The following PDS5B variants were observed in gnomAD, a reference collection of about 807,000 sequenced individuals.
PDS5B encodes PDS5 cohesin associated factor B.
Under a neutral mutation model 184.1 loss-of-function variants are expected in PDS5B, and 51 were observed. That is an observed-to-expected ratio of 0.28 (90% CI 0.22 to 0.35). The LOEUF (loss-of-function observed/expected upper bound fraction) is 0.35, where lower values mean the gene tolerates loss of function less well. PDS5B is among the 10% of genes least tolerant of loss of function. PDS5B has a pLI of 1.00. For missense variants in PDS5B, 1,180 were observed against 1,723.3 expected, an observed-to-expected ratio of 0.68 and a Z score of 5.58; for synonymous variants, 566 against 569.2, an observed-to-expected ratio of 0.99 and a Z score of 0.08.
Position 32,645,992 on chromosome 13 carries a change from G to GGGTGTGTGGTGTGT in PDS5B, c.-19-2746_-19-2733dup, listed in dbSNP as rs138850221. Among the ~76,000 whole-genome samples the GGGTGTGTGGTGTGT allele has an allele frequency of 5.6e-3, 839 of 150,290 alleles. 5 individuals carry two copies. Among genetic ancestry groups the GGGTGTGTGGTGTGT allele is most frequent in the East Asian group, 0.029 (151 of 5,134 alleles). On this transcript the variant is annotated intron_variant, in intron 1 of 34. Transcript: ENST00000315596. ...CTTTGATGTGTGTGTGTGGGTGTGT[G>GGGTGTGTGGTGTGT]GGTGTGTGGTGTGTGGTGTGTGGTG...
intron 28 of PDS5B, among the ~76,000 whole-genome samples, 154 bp downstream of exon 28, chr13:32,758,807 A>C (rs1018980063): frequency 3.3e-5 from 5 of 152,200 alleles, no homozygotes; most frequent in Non-Finnish European, 7.4e-5. Context: ...ACTGGAGGAC[A>C]CACATAAGGT....
rs773802552 is a variant in PDS5B, at chr13:32,648,744, C to G, written c.-19-10C>G. On this transcript the variant is annotated splice_polypyrimidine_tract_variant and intron_variant, in intron 1 of 34. Coordinates refer to ENST00000315596, the MANE Select transcript of PDS5B (RefSeq NM_015032.4). The stretch of plus-strand genomic sequence containing the variant: ...TTTTTGGTTTGCATCTAATAGTTTT[C>G]TTGTTTCAGGGGTAGAAATATTTCT... 2 of 1,016,092 alleles carry G rather than the reference C, an allele frequency of 2.0e-6. No individual in the cohort carries two copies. The highest frequency in any genetic ancestry group is 3.1e-6 in the Non-Finnish European group (2 of 642,080). 62.9% of individuals were successfully genotyped at this position (1,016,092 alleles called of 1,614,324 possible).
chr13:32,625,912 C>A (rs2058364576), intron 1 of PDS5B, among the ~76,000 whole-genome samples: 2 of 150,540 alleles, frequency 1.3e-5, no homozygotes, highest in South Asian at 4.2e-4. Flanking sequence ...GATCTTGGCT[C>A]ACTGTAGCCT....
chr13:32,750,847 CTGTGTGTGTGTGTGTGTGTGTGTGTG>C (rs71194534), intron 24 of PDS5B, among the ~76,000 whole-genome samples: 11 of 143,426 alleles, frequency 7.7e-5, no homozygotes, highest in South Asian at 2.3e-4. Context: ...CGGCCTCCCT[CTGTGTGTGTGTGTGTGTGTGTGTGTG>C]TGTGTGTGTG....
At chr13:32,641,014 G>A (rs1336047441) in intron 1 of PDS5B, among the ~76,000 whole-genome samples, 5 of 145,334 alleles carry the variant, frequency 3.4e-5, no homozygotes, top group South Asian at 2.1e-4. Context: ...CCGAGATCAC[G>A]CCACTGTACT....
chr13:32,714,497 A>G (rs900392469), intron 19 of PDS5B, among the ~76,000 whole-genome samples: 3 of 152,176 alleles, frequency 2.0e-5, no homozygotes, highest in Admixed American at 6.5e-5. Flanking sequence ...TAGGAGCGCT[A>G]TGGGAGACTG....
chr13:32,616,114 C>T (rs947282602), intron 1 of PDS5B, among the ~76,000 whole-genome samples: 9 of 151,478 alleles, frequency 5.9e-5, no homozygotes, highest in African/African-American at 1.2e-4. Flanking sequence ...AGTGCAATGG[C>T]GCGATCTTGG....
intron 1 of PDS5B, among the ~76,000 whole-genome samples, chr13:32,607,259 T>C (rs1369859676): frequency 2.0e-5 from 3 of 152,222 alleles, no homozygotes; most frequent in Non-Finnish European, 4.4e-5. Context: ...TCCTTTCTGT[T>C]TGTTAGTTTT....
chr13:32,602,200 G>A (rs532465849), intron 1 of PDS5B, among the ~76,000 whole-genome samples: 3 of 151,538 alleles, frequency 2.0e-5, no homozygotes, highest in African/African-American at 4.8e-5. Context: ...CTGTTAACTC[G>A]TCATTTACAT....
At chr13:32,678,112 G>T (rs1951121991) in intron 9 of PDS5B, among the ~76,000 whole-genome samples, 1 of 152,066 alleles carries the variant, frequency 6.6e-6, no homozygotes, top group African/African-American at 2.4e-5. Flanking sequence ...ACATCAGAAT[G>T]ATACAATTAG....
chr13:32,652,757 T>TAA (rs202075341), intron 3 of PDS5B, among the ~76,000 whole-genome samples: 2 of 141,158 alleles, frequency 1.4e-5, no homozygotes, highest in South Asian at 2.3e-4. Context: ...CCATCTCTAT[T>TAA]AAAAAAAAAA....
intron 7 of PDS5B, among the ~76,000 whole-genome samples, chr13:32,669,355 AAAG>A (rs1190367444): frequency 6.6e-6 from 1 of 151,978 alleles, no homozygotes; most frequent in Non-Finnish European, 1.5e-5. Context: ...AAAAATAAGA[AAAG>A]AACGCTATAC....
At chr13:32,593,700 G>C (rs541270845) in intron 1 of PDS5B, among the ~76,000 whole-genome samples, 93 of 152,110 alleles carry the variant, frequency 6.1e-4, no homozygotes, top group Non-Finnish European at 1.2e-3. Flanking sequence ...AAAATTATAA[G>C]GAAGGAAAAT....
At chr13:32,628,721 G>C (rs2058409050) in intron 1 of PDS5B, among the ~76,000 whole-genome samples, 1 of 151,980 alleles carries the variant, frequency 6.6e-6, no homozygotes, top group Non-Finnish European at 1.5e-5. Flanking sequence ...ATACACACTT[G>C]AGTATAATGC....
At chr13:32,754,829 GT>G (rs1431506507) in intron 25 of PDS5B, among the ~76,000 whole-genome samples, 2 of 152,056 alleles carry the variant, frequency 1.3e-5, no homozygotes, top group African/African-American at 4.8e-5. Flanking sequence ...TCTTATTTTG[GT>G]GCACCTTTCA....
chr13:32,732,591 A>G (rs1337371670), intron 20 of PDS5B, among the ~76,000 whole-genome samples: 1 of 152,154 alleles, frequency 6.6e-6, no homozygotes, highest in Non-Finnish European at 1.5e-5. Flanking sequence ...TTGAGAAACT[A>G]TTGAAGTGTA....
chr13:32,765,846 C>T (rs1458092192), intron 31 of PDS5B, among the ~76,000 whole-genome samples: 1 of 152,228 alleles, frequency 6.6e-6, no homozygotes, highest in African/African-American at 2.4e-5. Context: ...AGGTGATCTG[C>T]CTGCCTTGGC....
intron 7 of PDS5B, 39 bp from the exon 8 acceptor site, chr13:32,673,177 G>A: frequency 6.4e-7 from 1 of 1,573,120 alleles, no homozygotes; most frequent in Non-Finnish European, 8.7e-7. Context: ...CTTGTCTCTG[G>A]TTTTTCTACT....
intron 10 of PDS5B, among the ~76,000 whole-genome samples, chr13:32,679,511 C>T (rs370960696): frequency 6.6e-6 from 1 of 152,066 alleles, no homozygotes; most frequent in Non-Finnish European, 1.5e-5. Context: ...TGGCATGCGC[C>T]TATAATCCCA....
Sources: gnomAD v4.1 joint callset for allele counts (sites outside exome capture counted in the v4.1 genomes callset) on GRCh38, gnomAD v4.1.1 for gene constraint, MANE v1.5 for transcripts, NCBI Gene and HGNC (gene_info 2026-07-23, HGNC 2026-07-21) for gene names.